ADAMTSL1: variants seen among roughly 807,000 people sequenced by gnomAD.
The protein encoded by ADAMTSL1 is ADAMTS like 1.
A neutral mutation model predicts 201.8 loss-of-function variants in ADAMTSL1; 126 were observed. The observed-to-expected ratio is 0.62, with a 90% CI of 0.54 to 0.72. The LOEUF (loss-of-function observed/expected upper bound fraction) is 0.72, where lower values mean the gene tolerates loss of function less well. ADAMTSL1 is among the 30% of genes least tolerant of loss of function. The pLI, the probability that ADAMTSL1 is intolerant of heterozygous loss-of-function variation, is 0.00. For synonymous variants in ADAMTSL1, 1,121 were observed against 903.4 expected (o/e 1.24, Z -4.32); for missense variants, 2,679 against 2,277.8 (o/e 1.18, Z -3.59).
At chr9:18,135,122 T>C (rs1826106060) in intron 1 of ADAMTSL1, among the ~76,000 whole-genome samples, 1 of 152,190 alleles carries the variant, frequency 6.6e-6, no homozygotes, top group Non-Finnish European at 1.5e-5. Flanking sequence ...GATATTTCAG[T>C]ATTTGTAATT....
chr9:18,174,874 A>T (rs188530297), intron 2 of ADAMTSL1, among the ~76,000 whole-genome samples: 2 of 152,196 alleles, frequency 1.3e-5, no homozygotes, highest in African/African-American at 4.8e-5. Flanking sequence ...TTATTACCCA[A>T]TGGAAAGTTT....
intron 2 of ADAMTSL1, among the ~76,000 whole-genome samples, chr9:18,296,524 A>C (rs1218583570): frequency 6.6e-6 from 1 of 152,148 alleles, no homozygotes; most frequent in African/African-American, 2.4e-5. Context: ...TCTATATTAA[A>C]TATGGATGCA....
At position 18,650,884 on chromosome 9, in the gene ADAMTSL1, C is replaced by G. The variant is rs181715399; in HGVS notation, c.835-6755C>G. On this transcript the variant is annotated intron_variant, in intron 7 of 28. Coordinates refer to ENST00000380548, the MANE Select transcript of ADAMTSL1 (RefSeq NM_001040272.6). ...CTTTGCCTCATCAAACCTGTTTACT[C>G]TTTTATGGAATGGTAATAAAATACT... Among the ~76,000 whole-genome samples, 11 of 152,236 alleles carry G rather than the reference C, an allele frequency of 7.2e-5. No individual in the cohort carries two copies. The East Asian group carries it at 1.9e-3, about 27-fold the overall frequency.
intron 1 of ADAMTSL1, among the ~76,000 whole-genome samples, chr9:18,116,819 A>G (rs1159896054): frequency 6.6e-6 from 1 of 152,134 alleles, no homozygotes; most frequent in Admixed American, 6.5e-5. Flanking sequence ...GCACCCATTA[A>G]CTCATCATTT....
intron 2 of ADAMTSL1, among the ~76,000 whole-genome samples, chr9:18,263,244 A>T (rs1346213248): frequency 2.0e-5 from 3 of 152,218 alleles, no homozygotes; most frequent in Non-Finnish European, 2.9e-5. Flanking sequence ...TTAGTGCCAG[A>T]TTTAATGGCT....
intron 1 of ADAMTSL1, among the ~76,000 whole-genome samples, chr9:17,962,529 A>G (rs1817796157): frequency 6.6e-6 from 1 of 152,180 alleles, no homozygotes; most frequent in Non-Finnish European, 1.5e-5. Context: ...ATGTGTAAAG[A>G]AAACTTCTCA....
At chr9:18,533,133 A>T in intron 2 of ADAMTSL1, 114 bp from the exon 3 acceptor site, 1 of 705,286 alleles carries the variant, frequency 1.4e-6, no homozygotes, top group Non-Finnish European at 2.3e-6. Context: ...GAACATGCTT[A>T]GAAGAAAAGA....
chr9:18,116,211 C>A (rs1825241823), intron 1 of ADAMTSL1, among the ~76,000 whole-genome samples: 1 of 152,096 alleles, frequency 6.6e-6, no homozygotes, highest in Non-Finnish European at 1.5e-5. Context: ...CGTTTATGGA[C>A]AATTAATGGA....
At chr9:18,826,566 A>C (rs1272467016) in intron 22 of ADAMTSL1, 103 bp downstream of exon 22, 3 of 1,368,058 alleles carry the variant, frequency 2.2e-6, no homozygotes, top group Admixed American at 2.4e-5. Context: ...AGGACATAAA[A>C]GGTAAAATTG....
chr9:18,209,457 T>C (rs144021263), intron 2 of ADAMTSL1, among the ~76,000 whole-genome samples: 5 of 152,276 alleles, frequency 3.3e-5, no homozygotes, highest in African/African-American at 1.2e-4. Context: ...ATTATAAATA[T>C]TTAGACCATG....
Position 18,617,227 on chromosome 9 carries a change from T to C in ADAMTSL1, c.475-5016T>C, listed in dbSNP as rs114468834. ...AAGAATGTCAGTCTGAGGCATGATA[T>C]CTGCTTATGGATTATGTTTATTTAT... is the stretch of plus-strand genomic sequence containing the variant. On this transcript the variant is annotated intron_variant, in intron 4 of 28. Transcript: ENST00000380548. 9.4e-3 allele frequency among the ~76,000 whole-genome samples: 1,437 copies of C among 152,328 alleles called. 18 individuals carry two copies. The highest frequency in any genetic ancestry group is 0.033 in the African/African-American group (1,387 of 41,562).
chr9:18,527,316 A>G (rs530620479), intron 2 of ADAMTSL1, among the ~76,000 whole-genome samples: 7 of 152,182 alleles, frequency 4.6e-5, no homozygotes, highest in African/African-American at 1.2e-4. Context: ...TATAAGTGCA[A>G]TTGTCCTTAA....
At chr9:18,294,433 C>T (rs1230315111) in intron 2 of ADAMTSL1, among the ~76,000 whole-genome samples, 1 of 152,192 alleles carries the variant, frequency 6.6e-6, no homozygotes, top group Non-Finnish European at 1.5e-5. Flanking sequence ...CAAAATCTTG[C>T]CCAGGTTCTG....
intron 2 of ADAMTSL1, among the ~76,000 whole-genome samples, chr9:18,523,947 A>C (rs1408934778): frequency 4.3e-5 from 6 of 139,440 alleles, no homozygotes; most frequent in Admixed American, 7.7e-5. Context: ...TTCCATATGA[A>C]CTTTAAAGTA....
chr9:18,166,136 A>C (rs1418440681), intron 2 of ADAMTSL1, among the ~76,000 whole-genome samples: 3 of 151,910 alleles, frequency 2.0e-5, no homozygotes, highest in Admixed American at 1.3e-4. Context: ...TGTCTTCCCT[A>C]GTATCCCAAA....
intron 1 of ADAMTSL1, among the ~76,000 whole-genome samples, chr9:18,152,795 A>G (rs1296809178): frequency 6.6e-6 from 1 of 152,000 alleles, no homozygotes. Context: ...AAATCAAGGT[A>G]GTGGGCAGGA....
chr9:18,391,151 T>G (rs1838028527), intron 2 of ADAMTSL1, among the ~76,000 whole-genome samples: 1 of 152,190 alleles, frequency 6.6e-6, no homozygotes, highest in Non-Finnish European at 1.5e-5. Context: ...ATCTCATTTA[T>G]TTTGTTGGAC....
intron 20 of ADAMTSL1, among the ~76,000 whole-genome samples, chr9:18,816,428 G>C (rs931226586): frequency 1.3e-5 from 2 of 152,002 alleles, no homozygotes; most frequent in Non-Finnish European, 1.5e-5. Context: ...GTAGAGACGG[G>C]ATTTCACCAT....
At chr9:18,763,932 T>C (rs1342162074) in intron 16 of ADAMTSL1, among the ~76,000 whole-genome samples, 1 of 152,176 alleles carries the variant, frequency 6.6e-6, no homozygotes, top group African/African-American at 2.4e-5. Context: ...TCCTCCAATT[T>C]TGTTTTGTTT....
Sources: allele counts gnomAD v4.1 joint callset (sites outside exome capture counted in the v4.1 genomes callset), GRCh38; gene constraint gnomAD v4.1.1; transcripts MANE v1.5; gene names NCBI Gene and HGNC (gene_info 2026-07-23, HGNC 2026-07-21).